The following TRIM54 variants were observed in gnomAD, a reference collection of about 807,000 sequenced individuals.
TRIM54 encodes the protein tripartite motif containing 54.
In TRIM54, 40 loss-of-function variants were observed where a neutral mutation model predicts 42.0. The observed-to-expected ratio is 0.95, with a 90% confidence interval of 0.74 to 1.24. The LOEUF (loss-of-function observed/expected upper bound fraction) is 1.24, where lower values mean the gene tolerates loss of function less well. Ranked by LOEUF, TRIM54 falls within the 50% of genes most tolerant of loss-of-function variation. The probability of loss-of-function intolerance (pLI) is 0.00; values close to 1 mark genes in which losing one functional copy is unlikely to be tolerated. For missense variants in TRIM54, 485 were observed against 480.3 expected (o/e 1.01, Z -0.09); for synonymous variants, 199 against 194.9 (o/e 1.02, Z -0.17).
At chr2:27,305,460 C>A in intron 4 of TRIM54, 124 bp from the exon 5 acceptor site, 1 of 748,730 alleles carries the variant, frequency 1.3e-6, no homozygotes, top group Non-Finnish European at 2.2e-6. Context: ...CTGGCTCAGC[C>A]ACTAACTCAC....
intron 1 of TRIM54, among the ~76,000 whole-genome samples, chr2:27,289,306 G>A (rs1678657721): frequency 1.3e-5 from 2 of 152,180 alleles, no homozygotes; most frequent in Admixed American, 1.3e-4. Context: ...TAATGGGAGT[G>A]ATATTGCTCT....
intron 1 of TRIM54, among the ~76,000 whole-genome samples, chr2:27,289,826 G>A (rs1678670107): frequency 6.7e-6 from 1 of 148,272 alleles, no homozygotes; most frequent in Admixed American, 6.7e-5. Flanking sequence ...AGGCCAGCCT[G>A]AGCAACATAG....
rs1286341803 is a variant in TRIM54, at chr2:27,306,454, A to C, written c.992-2A>C. On this transcript the variant is annotated splice_acceptor_variant, in intron 7 of 8. Coordinates refer to ENST00000380075, the MANE Select transcript of TRIM54 (RefSeq NM_187841.3). LOFTEE classifies it high-confidence loss of function. This position sits in a 1 kb window ranked among gnomAD's most constrained non-coding sequence, Gnocchi z 6.1. The stretch of plus-strand genomic sequence containing the variant: ...ACCTCACCAGGCCTTCCTTGGGCTC[A>C]GGCGCTTCCGGGGAGGAAGAGGAGG... 6.2e-7 allele frequency: 1 copy of C among 1,600,140 alleles called. No individual in the cohort carries two copies. The highest frequency in any genetic ancestry group is 8.5e-7 in the Non-Finnish European group (1 of 1,173,260).
intron 3 of TRIM54, among the ~76,000 whole-genome samples, chr2:27,300,825 C>G (rs1046526267): frequency 6.6e-6 from 1 of 151,988 alleles, no homozygotes; most frequent in Non-Finnish European, 1.5e-5. Context: ...ATGATTGCAC[C>G]ACGGCACTCC....
Position 27,306,807 on chromosome 2 carries a change from CG to C in TRIM54, c.*2-75del. 3 of 527,932 alleles carry C rather than the reference CG, an allele frequency of 5.7e-6. No homozygotes were observed. Among genetic ancestry groups the C allele is most frequent in the East Asian group, 3.2e-5 (1 of 31,198 alleles). 32.7% of individuals were successfully genotyped at this position (527,932 alleles called of 1,614,324 possible). A position where few individuals can be genotyped will look rare whatever the true frequency, so the allele number is the denominator to read the frequency against. ...CTGAGTAGAGGAGAAACCCACGTGG[CG>C]GGGGACGGAGTGAGCGGGGCTCGAG... On this transcript the variant is annotated intron_variant, in intron 8 of 8. Transcript: ENST00000380075. The surrounding 1 kb of genome is among the most constrained non-coding windows in gnomAD (Gnocchi z 6.1).
intron 1 of TRIM54, 98 bp from the exon 2 acceptor site, chr2:27,298,469 A>G: frequency 2.3e-6 from 2 of 879,606 alleles, no homozygotes; most frequent in Non-Finnish European, 3.5e-6. Context: ...CCCTCCATCA[A>G]GTTCCTACTC....
intron 3 of TRIM54, 84 bp downstream of exon 3, chr2:27,299,500 T>C: frequency 1.3e-6 from 2 of 1,549,640 alleles, no homozygotes; most frequent in Non-Finnish European, 1.7e-6. Context: ...TCCACTTATC[T>C]TTTGTTTACT....
At chr2:27,292,512 CAG>C (rs1375351435) in intron 1 of TRIM54, among the ~76,000 whole-genome samples, 5 of 152,198 alleles carry the variant, frequency 3.3e-5, no homozygotes, top group Non-Finnish European at 7.3e-5. Flanking sequence ...GTTGAGACGA[CAG>C]AGAGAGAGAT....
At chr2:27,303,018 A>G (rs1328684407) in intron 3 of TRIM54, among the ~76,000 whole-genome samples, 1 of 152,180 alleles carries the variant, frequency 6.6e-6, no homozygotes, top group Non-Finnish European at 1.5e-5. Flanking sequence ...GGTCCTCTCT[A>G]TCACACAACT....
chr2:27,305,898 T>C (rs1166416560), intron 5 of TRIM54, 81 bp downstream of exon 5: 1 of 1,396,040 alleles, frequency 7.2e-7, no homozygotes, highest in Non-Finnish European at 9.8e-7. Context: ...GTTCAAGTCT[T>C]GTCTCTTGCA....
intron 1 of TRIM54, among the ~76,000 whole-genome samples, chr2:27,287,675 C>T (rs948318353): frequency 2.6e-5 from 4 of 152,002 alleles, no homozygotes; most frequent in African/African-American, 7.3e-5. Flanking sequence ...AGGCATGTAC[C>T]ACCACACTCA....
chr2:27,300,769 G>A (rs931584196), intron 3 of TRIM54, among the ~76,000 whole-genome samples: 4 of 152,138 alleles, frequency 2.6e-5, no homozygotes, highest in African/African-American at 9.7e-5. Context: ...GGGAGGCTGA[G>A]GTGGGAGGAT....
At position 27,306,335 on chromosome 2, in the gene TRIM54, CA is replaced by C. The variant is rs1679208315; in HGVS notation, c.990del (p.Gly331AlafsTer42). The C allele has an allele frequency of 6.2e-7, 1 of 1,614,096 alleles. No homozygotes were observed. On this transcript the variant is annotated frameshift_variant and splice_region_variant, in exon 7 of 9. Transcript: ENST00000380075. LOFTEE classifies it high-confidence loss of function. The surrounding 1 kb of genome is among the most constrained non-coding windows in gnomAD (Gnocchi z 6.1). ...AEMLRTIDFQPGASGEEEEVA... is the reference protein window; with the variant it reads ...AEMLRTIDFQXGASGEEEEVA... ...ATGCTGCGGACCATCGACTTCCAGCCAGGTGAAGGAGGTGGCCGAGGGCCGC... is the reference window on the plus strand; with the variant it reads ...ATGCTGCGGACCATCGACTTCCAGCCGGTGAAGGAGGTGGCCGAGGGCCGC...
intron 3 of TRIM54, among the ~76,000 whole-genome samples, chr2:27,302,965 G>C (rs757611809): frequency 6.6e-6 from 1 of 152,142 alleles, no homozygotes; most frequent in Non-Finnish European, 1.5e-5. Flanking sequence ...TTCGATAATG[G>C]ATGAAAGCAG....
intron 1 of TRIM54, among the ~76,000 whole-genome samples, chr2:27,294,255 A>G (rs974824507): frequency 2.6e-5 from 4 of 151,800 alleles, no homozygotes; most frequent in Non-Finnish European, 5.9e-5. Flanking sequence ...CAGCCTCCCA[A>G]ATACCTGGGA....
chr2:27,282,925 C>T (rs773690002), intron 1 of TRIM54, 26 bp downstream of exon 1: 3 of 1,593,092 alleles, frequency 1.9e-6, no homozygotes, highest in African/African-American at 2.7e-5. Context: ...GGGGCAGGGC[C>T]AGGTAAAGCA....
intron 1 of TRIM54, among the ~76,000 whole-genome samples, chr2:27,295,088 C>CA (rs1050534578): frequency 6.6e-6 from 1 of 151,494 alleles, no homozygotes; most frequent in Non-Finnish European, 1.5e-5. Context: ...TTTTTTGAGA[C>CA]AGAGTCCTGC....
chr2:27,304,738 CT>C (rs1434258895), intron 3 of TRIM54: 1 of 475,942 alleles, frequency 2.1e-6, no homozygotes, highest in African/African-American at 1.9e-5. Flanking sequence ...CTGTCTGTTC[CT>C]TCCCCACTTA....
At chr2:27,294,990 G>T (rs1447850296) in intron 1 of TRIM54, among the ~76,000 whole-genome samples, 1 of 151,868 alleles carries the variant, frequency 6.6e-6, no homozygotes, top group Non-Finnish European at 1.5e-5. Context: ...TCCTGGCTCA[G>T]TAGATGTTAG....
Sources: gnomAD v4.1 joint callset for allele counts (sites outside exome capture counted in the v4.1 genomes callset) on GRCh38, gnomAD v4.1.1 for gene constraint, Gnocchi (gnomAD v3.1) non-coding constraint, MANE v1.5 for transcripts, NCBI Gene and HGNC (gene_info 2026-07-23, HGNC 2026-07-21) for gene names.